Variants in SLC22A3 observed in about 807,000 individuals in gnomAD.
The protein encoded by SLC22A3 is EMT organic cation transporter 3.
SLC22A3 carries 51 observed loss-of-function variants against 59.1 expected under a neutral mutation model. The observed-to-expected ratio is 0.86, with a 90% CI of 0.69 to 1.09. The LOEUF is 1.09. Ranked by LOEUF, SLC22A3 falls within the 50% of genes least tolerant of loss-of-function variation. SLC22A3 has a pLI of 0.00. For missense variants in SLC22A3, 711 were observed against 726.3 expected (o/e 0.98, Z 0.24); for synonymous variants, 325 against 292.0 (o/e 1.11, Z -1.15).
intron 1 of SLC22A3, among the ~76,000 whole-genome samples, chr6:160,369,261 C>G (rs886828646): frequency 6.6e-6 from 1 of 152,168 alleles, no homozygotes; most frequent in Non-Finnish European, 1.5e-5. Flanking sequence ...CTGTTTTTAT[C>G]AGGCCAAAAT....
At chr6:160,433,321 C>T (rs753464893) in intron 5 of SLC22A3, among the ~76,000 whole-genome samples, 1 of 152,162 alleles carries the variant, frequency 6.6e-6, no homozygotes, top group Non-Finnish European at 1.5e-5. Context: ...GCAAGAGATG[C>T]TCCTTTATTT....
At chr6:160,399,032 A>G (rs2114835500) in intron 2 of SLC22A3, among the ~76,000 whole-genome samples, 1 of 152,338 alleles carries the variant, frequency 6.6e-6, no homozygotes, top group East Asian at 1.9e-4. Flanking sequence ...AAAAGGCCCC[A>G]TATCCTGTAG....
rs149873061 is a variant in SLC22A3, at chr6:160,447,437, T to C, written c.1511-282T>C. Among the ~76,000 whole-genome samples, 655 of 152,236 alleles carry C rather than the reference T, an allele frequency of 4.3e-3. 8 individuals are homozygous for C. The highest frequency in any genetic ancestry group is 0.014 in the African/African-American group (591 of 41,532). On this transcript the variant is annotated intron_variant, in intron 9 of 10. Coordinates refer to ENST00000275300, the MANE Select transcript of SLC22A3 (RefSeq NM_021977.4). ...GATGCAGGAGAGGAGGCCTTGGGTGTTGGACCCTAAGAAGGAACTCAGTCA... is the reference window on the plus strand; with the variant it reads ...GATGCAGGAGAGGAGGCCTTGGGTGCTGGACCCTAAGAAGGAACTCAGTCA...
intron 1 of SLC22A3, among the ~76,000 whole-genome samples, chr6:160,353,877 G>A (rs113741975): frequency 2.3e-3 from 347 of 152,104 alleles, no homozygotes; most frequent in African/African-American, 7.8e-3. Context: ...GTTCCACCAA[G>A]CACACCCTGG....
rs548803343 is a variant in SLC22A3, at chr6:160,418,892, G to A, written c.975+8046G>A. 1.2e-4 allele frequency among the ~76,000 whole-genome samples: 19 copies of A among 152,238 alleles called. No homozygotes were observed. The East Asian group carries it at 2.7e-3, about 22-fold the overall frequency. Reference sequence around the variant, plus strand: ...CGCAATAAACCCATAAGCTTTGATCGTAGTTTCCTTATTTTTTGGATACAC... The same window carrying A: ...CGCAATAAACCCATAAGCTTTGATCATAGTTTCCTTATTTTTTGGATACAC... On this transcript the variant is annotated intron_variant, in intron 5 of 10. Transcript: ENST00000275300.
chr6:160,429,849 TA>T (rs148961501), intron 5 of SLC22A3, among the ~76,000 whole-genome samples: 3,065 of 143,438 alleles, frequency 0.021, 43 homozygotes, highest in Middle Eastern at 0.083. Flanking sequence ...ATCCATTTCT[TA>T]AAAAAAAAAA....
chr6:160,441,512 G>A (rs1044835548), intron 7 of SLC22A3, among the ~76,000 whole-genome samples: 8 of 151,668 alleles, frequency 5.3e-5, no homozygotes, highest in African/African-American at 1.9e-4. Flanking sequence ...GTCAAAATAT[G>A]TAAACTTCAG....
At position 160,410,580 on chromosome 6, in the gene SLC22A3, T is replaced by C. The variant is rs1436311554; in HGVS notation, c.858-149T>C. 2.2e-5 allele frequency: 14 copies of C among 642,108 alleles called. No individual in the cohort carries two copies. In the East Asian group the frequency reaches 3.9e-4, roughly 18 times the overall value. The allele number at this position is 642,108 out of a possible 1,614,324, so 39.8% of individuals were successfully genotyped here. ...ATCCATTATAACCTTGCAGGAATAA[T>C]CTGTATTTCAGGGACCTATTATCAA... On this transcript the variant is annotated intron_variant, in intron 4 of 10. Coordinates refer to ENST00000275300, the MANE Select transcript of SLC22A3 (RefSeq NM_021977.4).
At position 160,386,277 on chromosome 6, in the gene SLC22A3, G is replaced by T. The variant is rs1583465644; in HGVS notation, c.430-11702G>T. On this transcript the variant is annotated intron_variant, in intron 1 of 10. Coordinates refer to ENST00000275300, the MANE Select transcript of SLC22A3 (RefSeq NM_021977.4). ...CTGTCTTTTCTGTTTTCTGAAGTCT[G>T]CCCTTTCCCCTTCATGGTTAGGTGA... is the stretch of plus-strand genomic sequence containing the variant. 2.0e-5 allele frequency among the ~76,000 whole-genome samples: 3 copies of T among 152,142 alleles called. No individual in the cohort carries two copies. The South Asian group carries it at 6.2e-4, about 32-fold the overall frequency.
intron 1 of SLC22A3, among the ~76,000 whole-genome samples, chr6:160,376,387 G>A (rs1027984371): frequency 2.0e-5 from 3 of 152,078 alleles, no homozygotes; most frequent in East Asian, 1.9e-4. Context: ...AGGGGAGGGC[G>A]AACACCAGGA....
chr6:160,422,658 G>T (rs1187256848), intron 5 of SLC22A3, among the ~76,000 whole-genome samples: 1 of 152,210 alleles, frequency 6.6e-6, no homozygotes, highest in African/African-American at 2.4e-5. Flanking sequence ...AAGGCAAACA[G>T]ATTGAGACAA....
intron 7 of SLC22A3, among the ~76,000 whole-genome samples, chr6:160,438,114 G>T (rs773113446): frequency 3.3e-5 from 5 of 152,020 alleles, no homozygotes; most frequent in Non-Finnish European, 5.9e-5. Context: ...GATGAGAGAG[G>T]GTCATTTCAT....
chr6:160,387,567 C>A (rs2114809227), intron 1 of SLC22A3, among the ~76,000 whole-genome samples: 1 of 152,280 alleles, frequency 6.6e-6, no homozygotes, highest in Non-Finnish European at 1.5e-5. Flanking sequence ...TTCAGAAGGG[C>A]TATCCGAGAC....
chr6:160,420,232 G>T (rs556140621), intron 5 of SLC22A3, among the ~76,000 whole-genome samples: 2 of 152,256 alleles, frequency 1.3e-5, no homozygotes, highest in East Asian at 1.9e-4. Context: ...CAATTTAAAG[G>T]TGCTTTAAAG....
intron 5 of SLC22A3, among the ~76,000 whole-genome samples, chr6:160,427,026 C>G (rs761836876): frequency 2.6e-5 from 4 of 152,202 alleles, no homozygotes; most frequent in Non-Finnish European, 5.9e-5. Context: ...ATTCTTTGTA[C>G]CTTCACTGGA....
At chr6:160,397,329 G>A (rs573015822) in intron 1 of SLC22A3, among the ~76,000 whole-genome samples, 32 of 152,118 alleles carry the variant, frequency 2.1e-4, no homozygotes, top group Non-Finnish European at 4.3e-4. Flanking sequence ...AGTAATGCTC[G>A]TGGCCCACTA....
At chr6:160,401,875 A>G (rs557279563) in intron 2 of SLC22A3, among the ~76,000 whole-genome samples, 1 of 151,952 alleles carries the variant, frequency 6.6e-6, no homozygotes, top group East Asian at 1.9e-4. Flanking sequence ...AAAAAGCATG[A>G]CTGATATGCT....
Position 160,436,857 on chromosome 6 carries a change from ACTTATT to A in SLC22A3, c.1059_1064del (p.Ile353_Leu354del). On this transcript the variant is annotated inframe_deletion, in exon 6 of 11. Transcript: ENST00000275300. ...GAACTCCCCAAATGAGGAAATGCAC[ACTTATT>A]CTTATGTTTGCTTGGTAAGTTTGAC... The A allele has an allele frequency of 6.2e-7, 1 of 1,613,868 alleles. No homozygotes were observed. The highest frequency in any genetic ancestry group is 8.5e-7 in the Non-Finnish European group (1 of 1,179,834).
chr6:160,410,717 C>A lies in SLC22A3; in HGVS notation c.858-12C>A. ...CCTAGACATAACTCACAACAGCCTC[C>A]TTCTTTGCCAGGGTGGTCCCTGAGT... is the stretch of plus-strand genomic sequence containing the variant. On this transcript the variant is annotated splice_polypyrimidine_tract_variant and intron_variant, in intron 4 of 10. Coordinates refer to ENST00000275300, the MANE Select transcript of SLC22A3 (RefSeq NM_021977.4). 2 of 1,572,544 alleles carry A rather than the reference C, an allele frequency of 1.3e-6. No individual in the cohort carries two copies. The highest frequency in any genetic ancestry group is 1.8e-6 in the Non-Finnish European group (2 of 1,142,466).
Sources: gnomAD v4.1 joint callset for allele counts (sites outside exome capture counted in the v4.1 genomes callset) on GRCh38, gnomAD v4.1.1 for gene constraint, MANE v1.5 for transcripts, NCBI Gene and HGNC (gene_info 2026-07-23, HGNC 2026-07-21) for gene names.